PLCH2: variants seen among roughly 807,000 people sequenced by gnomAD.
PLCH2 encodes 1-phosphatidylinositol 4,5-bisphosphate phosphodiesterase eta-2.
PLCH2 carries 98 observed loss-of-function variants against 134.7 expected under a neutral mutation model. The ratio of observed to expected loss-of-function variants is 0.73; its 90% CI spans 0.62 to 0.86. The LOEUF is 0.86. PLCH2 is among the 40% of genes least tolerant of loss of function. The probability of loss-of-function intolerance (pLI) is 0.00; values close to 1 mark genes in which losing one functional copy is unlikely to be tolerated. For synonymous variants in PLCH2, 974 were observed against 827.5 expected (o/e 1.18, Z -3.04); for missense variants, 1,994 against 1,986.6 (o/e 1.00, Z -0.07).
At chr1:2,490,582 A>G (rs916918722) in intron 10 of PLCH2, among the ~76,000 whole-genome samples, 1 of 152,144 alleles carries the variant, frequency 6.6e-6, no homozygotes, top group Non-Finnish European at 1.5e-5. Flanking sequence ...ATAATTGTGC[A>G]GCGTGCTCCT....
chr1:2,424,282 T>C (rs1461538514), upstream of PLCH2, among the ~76,000 whole-genome samples: 1 of 142,042 alleles, frequency 7.0e-6, no homozygotes, highest in African/African-American at 2.7e-5. Context: ...ATATTCACCA[T>C]GCTGCACAAC....
chr1:2,479,365 C>T (rs934434194), intron 2 of PLCH2: 10 of 188,360 alleles, frequency 5.3e-5, no homozygotes, highest in Admixed American at 1.6e-4. Flanking sequence ...TCCCCACCTG[C>T]GGCGCTGGAG....
chr1:2,504,849 G>A lies in PLCH2; in HGVS notation c.3887G>A (p.Arg1296Gln), dbSNP rs373714834. 42 of 1,603,292 alleles carry A rather than the reference G, an allele frequency of 2.6e-5. No individual in the cohort carries two copies. Among genetic ancestry groups the A allele is most frequent in the African/African-American group, 1.5e-4 (11 of 74,934 alleles). The change falls in exon 22 of 22, where the codon CGG becomes CAG. Residue 1296 changes from arginine (R) to glutamine (Q), a missense_variant. Physicochemically the swap from Arg to Gln is conservative, Grantham distance 43 (BLOSUM62 1). Transcript: ENST00000378486. The stretch of plus-strand genomic sequence containing the variant: ...CGGGTGTCGGGGCCAGGGGTGAGAC[G>A]GGACACCCTGACAGAGCAGCTGCGC... ...TRRVSGPGVRRDTLTEQLRWL... is the reference protein window; with the variant it reads ...TRRVSGPGVRQDTLTEQLRWL...
intron 4 of PLCH2, 114 bp downstream of exon 4, chr1:2,480,426 C>T: frequency 8.4e-7 from 1 of 1,185,010 alleles, no homozygotes; most frequent in Non-Finnish European, 1.2e-6. Context: ...CTGGCAGTGC[C>T]CTCAAGCTGC....
intron 4 of PLCH2, among the ~76,000 whole-genome samples, chr1:2,482,499 G>A (rs1642028553): frequency 6.6e-6 from 1 of 152,224 alleles, no homozygotes; most frequent in Non-Finnish European, 1.5e-5. Context: ...GCTGGGCCCA[G>A]TGCATGTGGC....
chr1:2,452,665 G>C (rs1159290119), intron 2 of PLCH2, among the ~76,000 whole-genome samples: 2 of 152,222 alleles, frequency 1.3e-5, no homozygotes, highest in African/African-American at 4.8e-5. Context: ...TAATTCACAG[G>C]CCCTGGGGAC....
rs776280612 is a variant in PLCH2 at position 2,496,576 on chromosome 1, G to C, written c.1836-31G>C. The stretch of plus-strand genomic sequence containing the variant: ...TGGGTGCCAGGCTGGCCCTGGACGG[G>C]AGGGGTTCTGACCCCCTGCACCTGC... On this transcript the variant is annotated intron_variant, in intron 13 of 21. Transcript: ENST00000378486. 8 of 1,573,050 alleles carry C rather than the reference G, an allele frequency of 5.1e-6. No homozygotes were observed. In the South Asian group the frequency reaches 9.1e-5, roughly 18 times the overall value.
Position 2,502,284 on chromosome 1 carries a change from C to A in PLCH2, c.2834C>A (p.Pro945Gln). 1 of 1,538,216 alleles carries A rather than the reference C, an allele frequency of 6.5e-7. No homozygotes were observed. The highest frequency in any genetic ancestry group is 1.2e-5 in the South Asian group (1 of 83,044). The stretch of plus-strand genomic sequence containing the variant: ...CAGAAGCCGGGCCGCAGGGGCTTCC[C>A]GGAGCTGGTCCTGGGTACACGGGAC... The part of the protein sequence containing the change: ...KSQKPGRRGF[P>Q]ELVLGTRDTG... Residue 945 changes from proline to glutamine, a missense_variant, in exon 21 of 22, where the codon CCG (proline) becomes CAG (glutamine). Coordinates refer to ENST00000378486, the MANE Select transcript of PLCH2 (RefSeq NM_014638.4).
At chr1:2,446,195 A>C (rs1639935734) in intron 2 of PLCH2, among the ~76,000 whole-genome samples, 1 of 152,184 alleles carries the variant, frequency 6.6e-6, no homozygotes, top group South Asian at 2.1e-4. Flanking sequence ...CAGTGTACCC[A>C]CTGAAGGCCC....
intron 8 of PLCH2, among the ~76,000 whole-genome samples, chr1:2,488,268 T>C (rs1255562145): frequency 6.6e-6 from 1 of 152,122 alleles, no homozygotes; most frequent in African/African-American, 2.4e-5. Flanking sequence ...TGTCACAGTC[T>C]CGAGCTGGCC....
At chr1:2,493,911 G>A (rs1642730399) in intron 11 of PLCH2, 1 of 153,172 alleles carries the variant, frequency 6.5e-6, no homozygotes, top group South Asian at 2.0e-4. Context: ...ATCCAGGGGT[G>A]TGGGAGGGTG....
chr1:2,503,507 C>G, intron 21 of PLCH2: 2 of 661,928 alleles, frequency 3.0e-6, no homozygotes, highest in South Asian at 3.3e-5. Flanking sequence ...AAGGGTGTCT[C>G]CTTAGCCTGG....
intron 21 of PLCH2, chr1:2,502,910 G>T: frequency 1.4e-6 from 1 of 717,200 alleles, no homozygotes; most frequent in Non-Finnish European, 2.6e-6. Context: ...GTTCTCCGCC[G>T]GTAAGCCCCT....
chr1:2,447,749 G>A (rs1040589707), intron 2 of PLCH2, among the ~76,000 whole-genome samples: 2 of 152,198 alleles, frequency 1.3e-5, no homozygotes, highest in Non-Finnish European at 2.9e-5. Context: ...GATGTGGCCC[G>A]GTCTGCCCAC....
At chr1:2,493,589 A>G (rs1642711655) in intron 11 of PLCH2, 1 of 152,292 alleles carries the variant, frequency 6.6e-6, no homozygotes, top group South Asian at 2.1e-4. Flanking sequence ...AGGGCCGTCC[A>G]ATCCCATCCT....
upstream of PLCH2, among the ~76,000 whole-genome samples, chr1:2,421,993 A>G (rs939073116): frequency 2.0e-5 from 3 of 152,080 alleles, no homozygotes; most frequent in Non-Finnish European, 4.4e-5. Context: ...AGAAAAGGCC[A>G]GGCGCAGTGG....
At chr1:2,472,602 T>C (rs553017521), upstream of PLCH2, among the ~76,000 whole-genome samples, 9 of 152,066 alleles carry the variant, frequency 5.9e-5, no homozygotes, top group African/African-American at 1.9e-4. Flanking sequence ...CTGGGGGCCA[T>C]TGGGACAGCA....
At chr1:2,501,959 T>A (rs1643247832) in intron 20 of PLCH2, 153 bp from the exon 21 acceptor site, 7 of 627,926 alleles carry the variant, frequency 1.1e-5, no homozygotes, top group Non-Finnish European at 1.8e-5. Flanking sequence ...GGCCCTGGTG[T>A]GTCCACACAC....
In PLCH2 at chr1:2,504,850, G is replaced by C. The variant is rs556517364; in HGVS notation, c.3888G>C (p.Arg1296=). 16 of 1,603,324 alleles carry C rather than the reference G, an allele frequency of 1.0e-5. No individual in the cohort carries two copies. In the African/African-American group the frequency reaches 1.9e-4, roughly 19 times the overall value. The change falls in exon 22 of 22, where the codon CGG becomes CGC. Residue 1296 remains arginine (R), a synonymous_variant. Transcript: ENST00000378486. ...TRRVSGPGVR[R]DTLTEQLRWL... is the part of the protein sequence containing the mutation. ...GGGTGTCGGGGCCAGGGGTGAGACGGGACACCCTGACAGAGCAGCTGCGCT... is the reference window on the plus strand; with the variant it reads ...GGGTGTCGGGGCCAGGGGTGAGACGCGACACCCTGACAGAGCAGCTGCGCT...
Sources: gnomAD v4.1 joint callset for allele counts (sites outside exome capture counted in the v4.1 genomes callset) on GRCh38, gnomAD v4.1.1 for gene constraint, MANE v1.5 for transcripts, NCBI Gene and HGNC (gene_info 2026-07-23, HGNC 2026-07-21) for gene names.